The following FAM83G variants were observed in gnomAD, a reference collection of about 807,000 sequenced individuals.
FAM83G encodes the protein protein FAM83G.
Under a neutral mutation model 61.5 loss-of-function variants are expected in FAM83G, and 38 were observed. That is an observed-to-expected ratio of 0.62 (90% CI 0.48 to 0.81). The LOEUF is 0.81. Among genes scored for constraint, FAM83G ranks in the 30% least tolerant of loss-of-function variants. The pLI is 0.00. For synonymous variants in FAM83G, 470 were observed against 476.1 expected (o/e 0.99, Z 0.17); for missense variants, 989 against 1,133.6 (o/e 0.87, Z 1.83).
At chr17:18,999,065 G>A (rs1186190319) in intron 2 of FAM83G, among the ~76,000 whole-genome samples, 4 of 152,170 alleles carry the variant, frequency 2.6e-5, no homozygotes, top group Non-Finnish European at 4.4e-5. Flanking sequence ...GGATCACAAG[G>A]TCAGGAGTTC....
intron 3 of FAM83G, among the ~76,000 whole-genome samples, chr17:18,980,312 C>T (rs1041787904): frequency 2.0e-5 from 3 of 152,164 alleles, no homozygotes; most frequent in Non-Finnish European, 4.4e-5. Context: ...CAGGCCAGGT[C>T]CTGTAAATGG....
Position 18,971,644 on chromosome 17 carries a change from G to A in FAM83G, c.2187C>T (p.Ser729=), listed in dbSNP as rs2042857703. The A allele has an allele frequency of 6.2e-7, 1 of 1,613,436 alleles. No individual in the cohort carries two copies. Among genetic ancestry groups the A allele is most frequent in the Non-Finnish European group, 8.5e-7 (1 of 1,179,950 alleles). ...TGGCTGGGCCAGCGTTTCTGGTAGAGCTCTGGACGCTGTCAGCAGCAGAGC... is the reference window on the plus strand; with the variant it reads ...TGGCTGGGCCAGCGTTTCTGGTAGAACTCTGGACGCTGTCAGCAGCAGAGC... The part of the protein sequence containing the change: ...RYRSAADSVQ[S]STRNAGPAMA... The change falls in exon 6 of 6, where the codon AGC becomes AGT. Residue 729 remains serine, a synonymous_variant. Transcript: ENST00000388995. This position sits in a 1 kb window ranked among gnomAD's most constrained non-coding sequence, Gnocchi z 5.5.
intron 4 of FAM83G, chr17:18,979,122 G>T: frequency 1.8e-6 from 1 of 551,344 alleles, no homozygotes; most frequent in East Asian, 3.1e-5. Context: ...GCTCAGGAAG[G>T]CCCTGGACAC....
rs955077630 is a variant in FAM83G at position 19,003,694 on chromosome 17, G to T, written c.348C>A (p.Ser116=). ...GVPIEAEPLP[S]LEYWPQKSDR... ...CCGACTTCTGGGGCCAGTACTCCAG[G>T]GAGGGCAGCGGCTCGGCCTCGATGG... Residue 116 remains serine, a synonymous_variant, in exon 2 of 6, where the codon TCC becomes TCA. Transcript: ENST00000388995. This position sits in a 1 kb window ranked among gnomAD's most constrained non-coding sequence, Gnocchi z 4.5. 19 of 1,608,028 alleles carry T rather than the reference G, an allele frequency of 1.2e-5. No individual in the cohort carries two copies. The East Asian group carries it at 4.2e-4, about 36-fold the overall frequency.
chr17:19,003,418 A>G lies in FAM83G; in HGVS notation c.522+102T>C. On this transcript the variant is annotated intron_variant, in intron 2 of 5. Transcript: ENST00000388995. This position sits in a 1 kb window ranked among gnomAD's most constrained non-coding sequence, Gnocchi z 4.5. Reference sequence around the variant, plus strand: ...AGGGAAAACAGCAGAGATCCCTAGAAGCCCATGTTGGGCTCCCGTTTTGGG... The same window carrying G: ...AGGGAAAACAGCAGAGATCCCTAGAGGCCCATGTTGGGCTCCCGTTTTGGG... 7.9e-7 allele frequency: 1 copy of G among 1,270,650 alleles called. No individual in the cohort carries two copies. Among genetic ancestry groups the G allele is most frequent in the Non-Finnish European group, 1.0e-6 (1 of 961,534 alleles). The allele number at this position is 1,270,650 out of a possible 1,614,324, so 78.7% of individuals were successfully genotyped here. A position where few individuals can be genotyped will look rare whatever the true frequency, so the allele number is the denominator to read the frequency against.
rs892710338 is a variant in FAM83G, at chr17:18,996,716, AG to A, written c.522+6803del. 6.6e-6 allele frequency among the ~76,000 whole-genome samples: 1 copy of A among 152,128 alleles called. No homozygotes were observed. On this transcript the variant is annotated intron_variant, in intron 2 of 5. Coordinates refer to ENST00000388995, the MANE Select transcript of FAM83G (RefSeq NM_001039999.3). The surrounding 1 kb of genome is among the most constrained non-coding windows in gnomAD (Gnocchi z 4.4). The stretch of plus-strand genomic sequence containing the variant: ...GGTGATGGCCACTCCCATTTTCCAG[AG>A]GGGGTGTCACTGTCCCAGGGCCACC...
rs182424051 is a variant in FAM83G at position 18,976,513 on chromosome 17, G to A, written c.2082+1071C>T. ...TGAGGGTCCAGGAGATGAGGGTAGG[G>A]GTGTATGTCCCCATACCACCCCACC... On this transcript the variant is annotated intron_variant, in intron 5 of 5. Coordinates refer to ENST00000388995, the MANE Select transcript of FAM83G (RefSeq NM_001039999.3). The A allele has an allele frequency of 2.5e-3, 705 of 282,078 alleles. 1 individual carries two copies. Among genetic ancestry groups the A allele is most frequent in the Middle Eastern group, 7.7e-3 (7 of 910 alleles). 17.5% of individuals were successfully genotyped at this position (282,078 alleles called of 1,614,324 possible).
chr17:18,971,361 A>C lies in FAM83G; in HGVS notation c.2470T>G (p.Ter824GluextTer11). 1 of 1,558,974 alleles carries C rather than the reference A, an allele frequency of 6.4e-7. No homozygotes were observed. The change falls in exon 6 of 6, where the codon TAG becomes GAG. Residue 824 changes from the stop codon to glutamate, a stop_lost. Transcript: ENST00000388995. The surrounding 1 kb of genome is among the most constrained non-coding windows in gnomAD (Gnocchi z 5.5). ...AQAPRDRKDP[*>E] ...TGGCTCCAGGCTGGGACATGCTGCT[A>C]GGGGTCTTTGCGGTCCCGGGGGGCT...
intron 3 of FAM83G, among the ~76,000 whole-genome samples, chr17:18,985,827 C>T (rs998830196): frequency 1.8e-4 from 28 of 152,182 alleles, no homozygotes; most frequent in Non-Finnish European, 3.8e-4. Context: ...GTGCCAGCTG[C>T]CTTCCAGCTG....
rs1207853564 is a variant in FAM83G at position 18,971,489 on chromosome 17, C to T, written c.2342G>A (p.Ser781Asn). The T allele has an allele frequency of 6.2e-7, 1 of 1,614,070 alleles. No homozygotes were observed. Among genetic ancestry groups the T allele is most frequent in the Admixed American group, 1.7e-5 (1 of 60,026 alleles). Reference sequence around the variant, plus strand: ...TTTGGAGTATGGGATTCCGAAGGGACTCGGATGCTCCTCGGTGGCCCTGCC... The same window carrying T: ...TTTGGAGTATGGGATTCCGAAGGGATTCGGATGCTCCTCGGTGGCCCTGCC... The part of the protein sequence containing the change: ...TDGRATEEHP[S>N]PFGIPYSKLS... The change falls in exon 6 of 6, where the codon AGT (serine) becomes AAT (asparagine). Residue 781 changes from serine to asparagine, a missense_variant. By Grantham distance (46) the Ser-to-Asn change is conservative (BLOSUM62 1). This residue lies in a region of FAM83G where 574 missense variants were observed against 645.1 expected (regional missense o/e 0.89). Coordinates refer to ENST00000388995, the MANE Select transcript of FAM83G (RefSeq NM_001039999.3). This position sits in a 1 kb window ranked among gnomAD's most constrained non-coding sequence, Gnocchi z 5.5.
upstream of FAM83G, among the ~76,000 whole-genome samples, chr17:19,005,983 C>T (rs984307465): frequency 2.6e-5 from 4 of 152,312 alleles, no homozygotes; most frequent in Middle Eastern, 3.4e-3. Flanking sequence ...CCCTGTAAGA[C>T]CTTCTCTGAG....
chr17:18,988,749 G>A (rs774332836), intron 2 of FAM83G, among the ~76,000 whole-genome samples: 3 of 152,254 alleles, frequency 2.0e-5, no homozygotes, highest in African/African-American at 4.8e-5. Context: ...AGCAGCTGGC[G>A]TGGCGGCTCG....
chr17:18,990,767 G>C (rs1223344574), intron 2 of FAM83G, among the ~76,000 whole-genome samples: 1 of 149,832 alleles, frequency 6.7e-6, no homozygotes, highest in Non-Finnish European at 1.5e-5. Context: ...ACAGGCACGA[G>C]CTTATGCTGG....
At chr17:18,987,983 C>G (rs1355974141) in intron 3 of FAM83G, among the ~76,000 whole-genome samples, 2 of 152,232 alleles carry the variant, frequency 1.3e-5, no homozygotes, top group African/African-American at 4.8e-5. Context: ...TGATGCAGCA[C>G]TTGGCATGAG....
upstream of FAM83G, among the ~76,000 whole-genome samples, chr17:19,005,811 C>CA (rs1426821199): frequency 6.6e-6 from 1 of 152,196 alleles, no homozygotes; most frequent in African/African-American, 2.4e-5. Context: ...TATAGCCCCC[C>CA]AAGGGCTTTA....
intron 5 of FAM83G, chr17:18,977,060 G>A (rs772723125): frequency 1.1e-5 from 17 of 1,584,924 alleles, no homozygotes; most frequent in African/African-American, 1.3e-5. Flanking sequence ...TCCTGCAAAC[G>A]TCACCAGAAG....
chr17:18,979,666 C>CT lies in FAM83G; in HGVS notation c.697dup (p.Arg233LysfsTer9). ...CTCAGTTCCCCCGCTGCTCCGCACT[C>CT]TGAGATTCTGTTTTGGGAACCAAGA... On this transcript the variant is annotated frameshift_variant, in exon 4 of 6. Transcript: ENST00000388995. LOFTEE classifies it high-confidence loss of function. 1.2e-6 allele frequency: 2 copies of CT among 1,613,378 alleles called. No homozygotes were observed. The highest frequency in any genetic ancestry group is 1.7e-6 in the Non-Finnish European group (2 of 1,179,970).
rs1196073191 is a variant in FAM83G at position 19,003,781 on chromosome 17, A to T, written c.261T>A (p.Ser87=). The T allele has an allele frequency of 6.2e-7, 1 of 1,610,860 alleles. No homozygotes were observed. The highest frequency in any genetic ancestry group is 8.5e-7 in the Non-Finnish European group (1 of 1,179,180). ...GSEDPRGTGP[S]QGPEDNGVGD... ...CGACCCCATTGTCCTCGGGCCCCTG[A>T]GAGGGGCCCGTGCCCCGAGGGTCCT... is the stretch of plus-strand genomic sequence containing the variant. Residue 87 remains serine, a synonymous_variant, in exon 2 of 6, where the codon TCT becomes TCA. Coordinates refer to ENST00000388995, the MANE Select transcript of FAM83G (RefSeq NM_001039999.3). This position sits in a 1 kb window ranked among gnomAD's most constrained non-coding sequence, Gnocchi z 4.5.
Position 18,971,164 on chromosome 17 carries a change from CG to C in FAM83G, c.*194del. The C allele has an allele frequency of 6.2e-7, 1 of 1,614,088 alleles. No individual in the cohort carries two copies. The highest frequency in any genetic ancestry group is 8.5e-7 in the Non-Finnish European group (1 of 1,180,042). On this transcript the variant is annotated 3_prime_UTR_variant, in exon 6 of 6. Coordinates refer to ENST00000388995, the MANE Select transcript of FAM83G (RefSeq NM_001039999.3). The surrounding 1 kb of genome is among the most constrained non-coding windows in gnomAD (Gnocchi z 5.5). Reference sequence around the variant, plus strand: ...CCCACACAGGGGACCTGCCGTGGACCGGGATGACCTTTGGCCTGACCATCAT... The same window carrying C: ...CCCACACAGGGGACCTGCCGTGGACCGGATGACCTTTGGCCTGACCATCAT...
Sources: gnomAD v4.1 joint callset for allele counts (sites outside exome capture counted in the v4.1 genomes callset) on GRCh38, gnomAD v4.1.1 for gene constraint, gnomAD v4.1.1 regional missense constraint, Gnocchi (gnomAD v3.1) non-coding constraint, MANE v1.5 for transcripts, NCBI Gene and HGNC (gene_info 2026-07-23, HGNC 2026-07-21) for gene names.